SCN2A: variants seen among roughly 807,000 people sequenced by gnomAD.
SCN2A encodes sodium voltage-gated channel alpha subunit 2, also known as sodium channel protein type 2 subunit alpha.
Under a neutral mutation model 188.7 loss-of-function variants are expected in SCN2A, and 20 were observed. The observed-to-expected ratio is 0.11, with a 90% confidence interval of 0.07 to 0.15. SCN2A has a LOEUF of 0.15. Ranked by LOEUF, SCN2A falls within the 10% of genes least tolerant of loss-of-function variation. The probability of loss-of-function intolerance (pLI) is 1.00; values close to 1 mark genes in which losing one functional copy is unlikely to be tolerated. For synonymous variants in SCN2A, 804 were observed against 833.1 expected (o/e 0.97, Z 0.60); for missense variants, 1,278 against 2,445.0 (o/e 0.52, Z 10.07).
At chr2:165,285,663 G>T (rs1028276831) in intron 1 of SCN2A, 9 of 248,760 alleles carry the variant, frequency 3.6e-5, no homozygotes, top group Non-Finnish European at 7.9e-5. Context: ...TCCCTCTATT[G>T]TTGCTCCAGT....
Position 165,383,611 on chromosome 2 carries a change from T to C in SCN2A, c.4551+2414T>C, listed in dbSNP as rs141651959. Among the ~76,000 whole-genome samples the C allele has an allele frequency of 5.8e-3, 887 of 152,292 alleles. 8 individuals are homozygous for C. Among genetic ancestry groups the C allele is most frequent in the African/African-American group, 0.02 (837 of 41,556 alleles). On this transcript the variant is annotated intron_variant, in intron 25 of 26. Transcript: ENST00000375437. ...TTTCACAGAGGCCGTGTGAATACATTGTAGACTTGTTTTGGAGCTATTTCA... is the reference window on the plus strand; with the variant it reads ...TTTCACAGAGGCCGTGTGAATACATCGTAGACTTGTTTTGGAGCTATTTCA...
intron 22 of SCN2A, 35 bp from the exon 23 acceptor site, chr2:165,377,562 T>G (rs1000139270): frequency 6.4e-7 from 1 of 1,553,570 alleles, no homozygotes; most frequent in South Asian, 1.1e-5. Flanking sequence ...ATTATAATTT[T>G]GGGAAAAAAG....
chr2:165,243,106 A>T (rs1304047524), intron 1 of SCN2A, among the ~76,000 whole-genome samples: 1 of 152,228 alleles, frequency 6.6e-6, no homozygotes, highest in African/African-American at 2.4e-5. Flanking sequence ...TACTTCAGTT[A>T]TCAATTTCTT....
At chr2:165,371,258 A>T (rs1701009833) in intron 20 of SCN2A, 2 of 152,162 alleles carry the variant, frequency 1.3e-5, no homozygotes, top group Non-Finnish European at 2.9e-5. Context: ...TACCCAAAGT[A>T]CTCTGATATT....
chr2:165,377,594 C>T lies in SCN2A; in HGVS notation c.4255-3C>T, dbSNP rs1553461654. The T allele has an allele frequency of 6.2e-7, 1 of 1,603,314 alleles. No homozygotes were observed. Among genetic ancestry groups the T allele is most frequent in the East Asian group, 2.2e-5 (1 of 44,514 alleles). ...AAAGAAAATGATATGACTTTTCTTA[C>T]AGGCCACGTTTAAGGGATGGATGGA... On this transcript the variant is annotated splice_polypyrimidine_tract_variant and splice_region_variant and intron_variant, in intron 22 of 26. Coordinates refer to ENST00000375437, the MANE Select transcript of SCN2A (RefSeq NM_001040142.2).
intron 1 of SCN2A, among the ~76,000 whole-genome samples, chr2:165,291,035 C>CTTT (rs55979694): frequency 5.3e-3 from 426 of 79,980 alleles, no homozygotes; most frequent in East Asian, 9.4e-3. Flanking sequence ...TCTTTTCTTT[C>CTTT]TTTTTTTTTT....
intron 17 of SCN2A, among the ~76,000 whole-genome samples, chr2:165,357,937 C>G (rs1266372709): frequency 6.6e-6 from 1 of 152,098 alleles, no homozygotes; most frequent in African/African-American, 2.4e-5. Flanking sequence ...TACTCAGCTA[C>G]GTTCCTTGCC....
intron 1 of SCN2A, among the ~76,000 whole-genome samples, chr2:165,275,180 A>G (rs184793077): frequency 5.3e-5 from 8 of 152,302 alleles, no homozygotes; most frequent in Admixed American, 5.2e-4. Context: ...ACACCATTCC[A>G]TAACTCTTCT....
At chr2:165,355,948 G>A (rs1398199176) in intron 17 of SCN2A, among the ~76,000 whole-genome samples, 2 of 149,254 alleles carry the variant, frequency 1.3e-5, no homozygotes, top group Non-Finnish European at 3.0e-5. Flanking sequence ...GCAGTGAGCC[G>A]AGATCACCCC....
intron 3 of SCN2A, among the ~76,000 whole-genome samples, chr2:165,300,971 G>A (rs1696779586): frequency 6.6e-6 from 1 of 152,164 alleles, no homozygotes; most frequent in Non-Finnish European, 1.5e-5. Flanking sequence ...CTTGGAGTAT[G>A]GTGGAAACAA....
At chr2:165,379,474 G>T (rs1385848639) in intron 23 of SCN2A, among the ~76,000 whole-genome samples, 1 of 151,682 alleles carries the variant, frequency 6.6e-6, no homozygotes, top group African/African-American at 2.4e-5. Context: ...CAGGGATGAT[G>T]GAGTTTATGT....
At chr2:165,270,089 T>A (rs1465773348) in intron 1 of SCN2A, 1 of 152,112 alleles carries the variant, frequency 6.6e-6, no homozygotes, top group Non-Finnish European at 1.5e-5. Context: ...CTTAATGTTA[T>A]CCCTCTTGAT....
At chr2:165,262,625 AAT>A (rs1030977266) in intron 1 of SCN2A, among the ~76,000 whole-genome samples, 1 of 151,864 alleles carries the variant, frequency 6.6e-6, no homozygotes, top group Non-Finnish European at 1.5e-5. Context: ...CACATAGAAT[AAT>A]ATATATATTA....
intron 25 of SCN2A, among the ~76,000 whole-genome samples, chr2:165,381,596 C>CA (rs1230709199): frequency 6.6e-6 from 1 of 151,876 alleles, no homozygotes; most frequent in Non-Finnish European, 1.5e-5. Flanking sequence ...AGATTGGCCT[C>CA]AGTTTTTGTC....
intron 7 of SCN2A, among the ~76,000 whole-genome samples, chr2:165,311,709 T>G (rs867636598): frequency 6.6e-6 from 1 of 152,152 alleles, no homozygotes. Context: ...AGCAATAGAC[T>G]GGCAGCTCTT....
At chr2:165,271,282 C>T (rs1313788537) in intron 1 of SCN2A, 4 of 152,062 alleles carry the variant, frequency 2.6e-5, no homozygotes, top group Non-Finnish European at 4.4e-5. Context: ...GAAGGAGCCA[C>T]CTCCTAATTA....
chr2:165,371,342 G>A (rs916858655), intron 20 of SCN2A: 26 of 152,232 alleles, frequency 1.7e-4, no homozygotes, highest in African/African-American at 5.8e-4. Context: ...AATCAAATAT[G>A]CTTATTGCTC....
In SCN2A at chr2:165,309,418, A is replaced by T. The variant is rs2228986; in HGVS notation, c.672A>T (p.Ala224=). The change falls in exon 6 of 27, where the codon GCA becomes GCT. Residue 224 remains alanine (A), a synonymous_variant. Coordinates refer to ENST00000375437, the MANE Select transcript of SCN2A (RefSeq NM_001040142.2). ...SALRTFRVLR[A]LKTISVIPGL... Reference sequence around the variant, plus strand: ...TGAGAACATTCAGAGTTCTCCGAGCATTGAAAACAATTTCAGTCATTCCAG... The same window carrying T: ...TGAGAACATTCAGAGTTCTCCGAGCTTTGAAAACAATTTCAGTCATTCCAG... 7 of 1,613,554 alleles carry T rather than the reference A, an allele frequency of 4.3e-6. No homozygotes were observed. In the African/African-American group the frequency reaches 9.3e-5, roughly 22 times the overall value.
intron 1 of SCN2A, among the ~76,000 whole-genome samples, chr2:165,279,308 GT>G (rs1049150435): frequency 2.0e-5 from 3 of 152,148 alleles, no homozygotes; most frequent in African/African-American, 7.2e-5. Context: ...GAATTCATTG[GT>G]TGAGATAGGG....
Sources: gnomAD v4.1 joint callset for allele counts (sites outside exome capture counted in the v4.1 genomes callset) on GRCh38, gnomAD v4.1.1 for gene constraint, MANE v1.5 for transcripts, NCBI Gene and HGNC (gene_info 2026-07-23, HGNC 2026-07-21) for gene names.